Variants in TOX observed in about 807,000 individuals in gnomAD.
TOX encodes the protein thymocyte selection-associated high mobility group box protein TOX.
In TOX, 11 loss-of-function variants were observed where a neutral mutation model predicts 53.7. The ratio of observed to expected loss-of-function variants is 0.20; its 90% CI spans 0.13 to 0.34. The LOEUF is 0.34. Among genes scored for constraint, TOX ranks in the 10% least tolerant of loss-of-function variants. TOX has a pLI of 1.00. For missense variants in TOX, 570 were observed against 664.6 expected, an observed-to-expected ratio of 0.86 and a Z score of 1.56; for synonymous variants, 225 against 245.3, an observed-to-expected ratio of 0.92 and a Z score of 0.77.
chr8:58,935,564 T>G (rs2129176094), intron 3 of TOX, among the ~76,000 whole-genome samples: 1 of 152,318 alleles, frequency 6.6e-6, no homozygotes, highest in African/African-American at 2.4e-5. Context: ...ATATTGTAGG[T>G]GACCTTGAAA....
At chr8:58,828,330 GT>G (rs914242341) in intron 5 of TOX, among the ~76,000 whole-genome samples, 41 of 150,964 alleles carry the variant, frequency 2.7e-4, no homozygotes, top group South Asian at 1.3e-3. Flanking sequence ...TTCTCCTAAA[GT>G]GGGGGGCTTC....
intron 1 of TOX, among the ~76,000 whole-genome samples, chr8:58,978,247 A>C (rs935652122): frequency 4.6e-5 from 7 of 152,348 alleles, no homozygotes; most frequent in Admixed American, 2.0e-4. Flanking sequence ...ATGATCTCCC[A>C]GATTAATAAC....
chr8:59,028,574 C>T (rs1017986691), intron 1 of TOX, among the ~76,000 whole-genome samples: 1 of 152,066 alleles, frequency 6.6e-6, no homozygotes, highest in Non-Finnish European at 1.5e-5. Context: ...TACATACATA[C>T]ATACATACAT....
intron 3 of TOX, among the ~76,000 whole-genome samples, chr8:58,867,298 A>T (rs1309810189): frequency 6.6e-6 from 1 of 152,216 alleles, no homozygotes; most frequent in Non-Finnish European, 1.5e-5. Flanking sequence ...TTTAATAAAA[A>T]AAAGGGAGAT....
intron 1 of TOX, among the ~76,000 whole-genome samples, chr8:58,993,150 G>A (rs1813488014): frequency 6.6e-6 from 1 of 152,034 alleles, no homozygotes; most frequent in African/African-American, 2.4e-5. Flanking sequence ...GTCCTGTTCT[G>A]GGGATGGACA....
chr8:59,058,212 C>A (rs426345), intron 1 of TOX, among the ~76,000 whole-genome samples: 13,694 of 152,224 alleles, frequency 0.09, 1,468 homozygotes, highest in East Asian at 0.49. Flanking sequence ...CTCAAGGCAG[C>A]ACTAGCATTT....
At position 58,965,250 on chromosome 8, in the gene TOX, G is replaced by A. The variant is rs531763671; in HGVS notation, c.103-5242C>T. Among the ~76,000 whole-genome samples, 6 of 152,214 alleles carry A rather than the reference G, an allele frequency of 3.9e-5. No homozygotes were observed. The East Asian group carries it at 5.8e-4, about 15-fold the overall frequency. On this transcript the variant is annotated intron_variant, in intron 1 of 8. Transcript: ENST00000361421. The stretch of plus-strand genomic sequence containing the variant: ...CTAGGATCAGCCTTCTTGACCAAGC[G>A]CTTTTAGACTCTTTATTGTGTTTTT...
chr8:58,864,160 C>T (rs760661193), intron 3 of TOX, among the ~76,000 whole-genome samples: 7 of 152,080 alleles, frequency 4.6e-5, no homozygotes, highest in South Asian at 2.1e-4. Flanking sequence ...AATCATGTGG[C>T]CTTTCATCCA....
intron 6 of TOX, among the ~76,000 whole-genome samples, chr8:58,820,782 C>G (rs1396249485): frequency 6.6e-6 from 1 of 152,046 alleles, no homozygotes; most frequent in Non-Finnish European, 1.5e-5. Flanking sequence ...ACTCTGGGAG[C>G]AATAATAAAA....
intron 1 of TOX, among the ~76,000 whole-genome samples, chr8:58,993,845 G>C (rs919993678): frequency 2.0e-5 from 3 of 150,802 alleles, no homozygotes; most frequent in Non-Finnish European, 4.4e-5. Flanking sequence ...TTCCTAAGGG[G>C]ACCTAAGGGG....
intron 1 of TOX, among the ~76,000 whole-genome samples, chr8:59,064,323 A>G (rs542509379): frequency 2.0e-5 from 3 of 152,216 alleles, no homozygotes; most frequent in Non-Finnish European, 4.4e-5. Context: ...TAGCCAAAGT[A>G]TAATCTGTCG....
At chr8:58,946,116 A>T (rs1812518990) in intron 2 of TOX, among the ~76,000 whole-genome samples, 1 of 152,194 alleles carries the variant, frequency 6.6e-6, no homozygotes, top group African/African-American at 2.4e-5. Flanking sequence ...TCAAACATAT[A>T]CATAATGCAC....
chr8:58,992,462 T>A (rs1464583661), intron 1 of TOX, among the ~76,000 whole-genome samples: 1 of 152,224 alleles, frequency 6.6e-6, no homozygotes. Context: ...TAAAACCACA[T>A]GCACGTTTTA....
chr8:58,906,338 G>A (rs1000909891), intron 3 of TOX, among the ~76,000 whole-genome samples: 15 of 152,098 alleles, frequency 9.9e-5, no homozygotes, highest in African/African-American at 3.4e-4. Context: ...AAAGAGACCC[G>A]TCCAGTGGAA....
At chr8:58,970,595 T>C (rs1411827931) in intron 1 of TOX, among the ~76,000 whole-genome samples, 1 of 152,226 alleles carries the variant, frequency 6.6e-6, no homozygotes, top group East Asian at 1.9e-4. Context: ...TCTGTGCCTA[T>C]GTCTGTGCTT....
intron 1 of TOX, among the ~76,000 whole-genome samples, chr8:59,013,283 C>T (rs1263203838): frequency 1.3e-5 from 2 of 152,168 alleles, no homozygotes; most frequent in African/African-American, 4.8e-5. Context: ...GTTACTACAC[C>T]TACGCTGTCA....
intron 1 of TOX, among the ~76,000 whole-genome samples, chr8:59,044,647 C>A (rs1272749106): frequency 6.6e-6 from 1 of 152,142 alleles, no homozygotes; most frequent in Non-Finnish European, 1.5e-5. Context: ...TTAAAAAAAT[C>A]TAAATCTCTT....
At chr8:58,863,120 G>T (rs530022747) in intron 3 of TOX, among the ~76,000 whole-genome samples, 1 of 152,186 alleles carries the variant, frequency 6.6e-6, no homozygotes, top group Non-Finnish European at 1.5e-5. Flanking sequence ...AATCCTGCAT[G>T]ATTATAGCCC....
At chr8:58,926,112 A>G (rs1293411149) in intron 3 of TOX, among the ~76,000 whole-genome samples, 1 of 152,228 alleles carries the variant, frequency 6.6e-6, no homozygotes, top group Non-Finnish European at 1.5e-5. Flanking sequence ...CTTGGACCCT[A>G]TAGCTCATCT....
Sources: gnomAD v4.1 joint callset for allele counts (sites outside exome capture counted in the v4.1 genomes callset) on GRCh38, gnomAD v4.1.1 for gene constraint, MANE v1.5 for transcripts, NCBI Gene and HGNC (gene_info 2026-07-23, HGNC 2026-07-21) for gene names.